The following PHLDB2 variants were observed in gnomAD, a reference collection of about 807,000 sequenced individuals.
PHLDB2 encodes the protein pleckstrin homology-like domain family B member 2.
A neutral mutation model predicts 123.6 loss-of-function variants in PHLDB2; 71 were observed. The ratio of observed to expected loss-of-function variants is 0.57; its 90% CI spans 0.47 to 0.70. PHLDB2 has a LOEUF of 0.70. Ranked by LOEUF, PHLDB2 falls within the 30% of genes least tolerant of loss-of-function variation. PHLDB2 has a pLI of 0.00. For missense variants in PHLDB2, 1,446 were observed against 1,519.5 expected (o/e 0.95, Z 0.80); for synonymous variants, 547 against 541.6 (o/e 1.01, Z -0.14).
chr3:111,755,875 G>T (rs1010213713), intron 1 of PHLDB2, among the ~76,000 whole-genome samples: 1 of 151,394 alleles, frequency 6.6e-6, no homozygotes, highest in Non-Finnish European at 1.5e-5. Flanking sequence ...TGGTTTCAAA[G>T]AACATTTTTA....
At chr3:111,903,178 T>C (rs13065448) in intron 2 of PHLDB2, among the ~76,000 whole-genome samples, 52,536 of 152,102 alleles carry the variant, frequency 0.35, 9,380 homozygotes, top group East Asian at 0.65. Context: ...GATGCATGCC[T>C]TCAGTAAGGG....
Position 111,884,163 on chromosome 3 carries a change from A to G in PHLDB2, c.86A>G (p.Asn29Ser). ...EEDSVVHSVENDSQNMMESLS... is the reference protein window; with the variant it reads ...EEDSVVHSVESDSQNMMESLS... ...GACTCTGTGGTGCATTCTGTTGAGA[A>G]CGATTCCCAAAACATGATGGAGAGC... Residue 29 changes from asparagine to serine, a missense_variant, in exon 2 of 18, where the codon AAC (asparagine) becomes AGC (serine). By Grantham distance (46) the Asn-to-Ser change is conservative (BLOSUM62 1). Coordinates refer to ENST00000431670, the MANE Select transcript of PHLDB2 (RefSeq NM_001134438.2). The G allele has an allele frequency of 6.2e-7, 1 of 1,614,194 alleles. No individual in the cohort carries two copies. The highest frequency in any genetic ancestry group is 8.5e-7 in the Non-Finnish European group (1 of 1,180,016).
intron 1 of PHLDB2, among the ~76,000 whole-genome samples, chr3:111,769,975 TA>T (rs2060146273): frequency 6.6e-6 from 1 of 152,274 alleles, no homozygotes; most frequent in Admixed American, 6.5e-5. Flanking sequence ...TGTTGAATTT[TA>T]GTTACTTTAC....
chr3:111,892,679 T>C (rs1382141227), intron 2 of PHLDB2, among the ~76,000 whole-genome samples: 4 of 152,216 alleles, frequency 2.6e-5, no homozygotes, highest in Non-Finnish European at 5.9e-5. Flanking sequence ...ATGAAAGAGT[T>C]ATTTTTCTTT....
rs2071449752 is a variant in PHLDB2, at chr3:111,962,233, G to A, written c.2998G>A (p.Ala1000Thr). Reference sequence around the variant, plus strand: ...TCCAGATCACAGCTACAAGGACCAGGCCTTTGATACTCTGAGCCTCGATAG... The same window carrying A: ...TCCAGATCACAGCTACAAGGACCAGACCTTTGATACTCTGAGCCTCGATAG... ...HYPDHSYKDQ[A>T]FDTLSLDSSD... is the part of the protein sequence containing the mutation. The change falls in exon 13 of 18, where the codon GCC (alanine) becomes ACC (threonine). Residue 1000 changes from alanine (A) to threonine (T), a missense_variant. Physicochemically the swap from Ala to Thr is moderately conservative, Grantham distance 58. Coordinates refer to ENST00000431670, the MANE Select transcript of PHLDB2 (RefSeq NM_001134438.2). 1 of 1,580,700 alleles carries A rather than the reference G, an allele frequency of 6.3e-7. No homozygotes were observed.
chr3:111,884,672 G>T lies in PHLDB2; in HGVS notation c.595G>T (p.Ala199Ser). 1.2e-6 allele frequency: 2 copies of T among 1,614,094 alleles called. No homozygotes were observed. The highest frequency in any genetic ancestry group is 1.7e-6 in the Non-Finnish European group (2 of 1,180,014). Residue 199 changes from alanine to serine, a missense_variant, in exon 2 of 18, where the codon GCA becomes TCA. Ala to Ser is a moderately conservative substitution (Grantham distance 99, BLOSUM62 1). Around this residue, in one of 3 missense-constraint regions of PHLDB2, gnomAD observed 832 missense variants for 831.9 expected, o/e 1.00. Coordinates refer to ENST00000431670, the MANE Select transcript of PHLDB2 (RefSeq NM_001134438.2). ...GPPPISRSGAASMPSSPKQAR... is the reference protein window; with the variant it reads ...GPPPISRSGASSMPSSPKQAR... ...GCCTCCTATCAGCAGATCGGGAGCCGCAAGCATGCCTTCAAGCCCAAAGCA... is the reference window on the plus strand; with the variant it reads ...GCCTCCTATCAGCAGATCGGGAGCCTCAAGCATGCCTTCAAGCCCAAAGCA...
chr3:111,933,907 C>T (rs1239800299), intron 6 of PHLDB2, among the ~76,000 whole-genome samples: 3 of 152,106 alleles, frequency 2.0e-5, no homozygotes, highest in Admixed American at 1.3e-4. Flanking sequence ...TCTGGTTATC[C>T]ATTTATTGTG....
intron 1 of PHLDB2, among the ~76,000 whole-genome samples, chr3:111,770,600 C>T (rs2060159774): frequency 6.6e-6 from 1 of 152,076 alleles, no homozygotes; most frequent in Non-Finnish European, 1.5e-5. Context: ...GTATAAATTA[C>T]CATAACTTGT....
chr3:111,817,699 T>C, intron 1 of PHLDB2, among the ~76,000 whole-genome samples: 1 of 152,158 alleles, frequency 6.6e-6, no homozygotes, highest in Non-Finnish European at 1.5e-5. Context: ...CAGGTAGACA[T>C]AGCCCAGCGT....
chr3:111,909,306 T>C (rs2067741318), intron 2 of PHLDB2, among the ~76,000 whole-genome samples: 1 of 152,038 alleles, frequency 6.6e-6, no homozygotes, highest in African/African-American at 2.4e-5. Flanking sequence ...TATTAAAGGT[T>C]TGAGGGTAGA....
Position 111,974,670 on chromosome 3 carries a change from C to G in PHLDB2, c.*107C>G. On this transcript the variant is annotated 3_prime_UTR_variant, in exon 18 of 18. Coordinates refer to ENST00000431670, the MANE Select transcript of PHLDB2 (RefSeq NM_001134438.2). ...AAACCCAACAGATCCATCCCTTGAGCTGTAAACACTCAGAACTCCTTTCAT... is the reference window on the plus strand; with the variant it reads ...AAACCCAACAGATCCATCCCTTGAGGTGTAAACACTCAGAACTCCTTTCAT... The G allele has an allele frequency of 6.1e-6, 7 of 1,156,504 alleles. No individual in the cohort carries two copies. Among genetic ancestry groups the G allele is most frequent in the South Asian group, 2.7e-5 (1 of 37,614 alleles). 71.6% of individuals were successfully genotyped at this position (1,156,504 alleles called of 1,614,324 possible).
At chr3:111,891,369 T>A (rs545833703) in intron 2 of PHLDB2, among the ~76,000 whole-genome samples, 1 of 152,054 alleles carries the variant, frequency 6.6e-6, no homozygotes. Flanking sequence ...AGTGGTGGCA[T>A]TGGATTTTCA....
chr3:111,935,380 C>A (rs974426878), intron 6 of PHLDB2, among the ~76,000 whole-genome samples: 1 of 151,998 alleles, frequency 6.6e-6, no homozygotes, highest in Admixed American at 6.6e-5. Context: ...ATTAGTTTAT[C>A]CATTAGTCTT....
chr3:111,845,263 G>A (rs969185987), intron 1 of PHLDB2, among the ~76,000 whole-genome samples: 4 of 147,272 alleles, frequency 2.7e-5, no homozygotes, highest in African/African-American at 1.0e-4. Flanking sequence ...GCTGACGCAG[G>A]AGAATTGCTT....
chr3:111,812,617 C>T (rs1484794876), intron 1 of PHLDB2, among the ~76,000 whole-genome samples: 2 of 152,110 alleles, frequency 1.3e-5, no homozygotes, highest in African/African-American at 2.4e-5. Flanking sequence ...TTAGTATGAT[C>T]ATCCTAGGAC....
At chr3:111,879,985 CTTTT>C (rs33958199) in intron 1 of PHLDB2, among the ~76,000 whole-genome samples, 52,655 of 108,726 alleles carry the variant, frequency 0.48, 11,406 homozygotes, top group East Asian at 0.7. Context: ...TACCCACTGC[CTTTT>C]TTTTTTTTTT....
intron 7 of PHLDB2, 56 bp downstream of exon 7, chr3:111,939,686 A>G: frequency 2.6e-6 from 4 of 1,524,282 alleles, no homozygotes; most frequent in Non-Finnish European, 3.6e-6. Flanking sequence ...TCTGCTTAAC[A>G]TAGCTATGAC....
chr3:111,780,123 C>T (rs953977621), intron 1 of PHLDB2, among the ~76,000 whole-genome samples: 1 of 151,048 alleles, frequency 6.6e-6, no homozygotes, highest in Non-Finnish European at 1.5e-5. Flanking sequence ...AATGCCCCCA[C>T]CAAAACTCAT....
chr3:111,859,238 TAA>T, upstream of PHLDB2: 2 of 983,154 alleles, frequency 2.0e-6, no homozygotes, highest in Non-Finnish European at 2.4e-6. Context: ...TTTCAGCTCT[TAA>T]AAAAAGCCTG....
Sources: gnomAD v4.1 joint callset for allele counts (sites outside exome capture counted in the v4.1 genomes callset) on GRCh38, gnomAD v4.1.1 for gene constraint, gnomAD v4.1.1 regional missense constraint, MANE v1.5 for transcripts, NCBI Gene and HGNC (gene_info 2026-07-23, HGNC 2026-07-21) for gene names.